Variants in PCDHA1 observed in about 807,000 individuals in gnomAD.
PCDHA1 encodes protocadherin alpha-1.
A neutral mutation model predicts 61.3 loss-of-function variants in PCDHA1; 42 were observed. The ratio of observed to expected loss-of-function variants is 0.69; its 90% confidence interval spans 0.54 to 0.89. The LOEUF (loss-of-function observed/expected upper bound fraction) is 0.89, where lower values mean the gene tolerates loss of function less well. PCDHA1 is among the 40% of genes least tolerant of loss of function. PCDHA1 has a pLI of 0.00. For synonymous variants in PCDHA1, 610 were observed against 553.8 expected, an observed-to-expected ratio of 1.10 and a Z score of -1.43; for missense variants, 1,256 against 1,235.3, an observed-to-expected ratio of 1.02 and a Z score of -0.25.
At chr5:140,858,446 T>G (rs782631209) in intron 1 of PCDHA1, 6 of 1,533,560 alleles carry the variant, frequency 3.9e-6, no homozygotes, top group Non-Finnish European at 5.3e-6. Flanking sequence ...GGTGGGTTAT[T>G]ACGTTTTCAT....
In PCDHA1 at chr5:140,870,604, C is replaced by A. The variant is rs376574285; in HGVS notation, c.2394+81920C>A. 10 of 1,613,134 alleles carry A rather than the reference C, an allele frequency of 6.2e-6. No homozygotes were observed. The African/African-American group carries it at 6.7e-5, about 11-fold the overall frequency. Reference sequence around the variant, plus strand: ...GCTGGTGGAGCGGCGGTTGGGCGACCGCGCGCTGTCGAGCTACGTGTCGGT... The same window carrying A: ...GCTGGTGGAGCGGCGGTTGGGCGACAGCGCGCTGTCGAGCTACGTGTCGGT... On this transcript the variant is annotated intron_variant, in intron 1 of 3. Coordinates refer to ENST00000504120, the MANE Select transcript of PCDHA1 (RefSeq NM_018900.4).
intron 1 of PCDHA1, among the ~76,000 whole-genome samples, chr5:140,898,839 A>C (rs2066999324): frequency 6.6e-6 from 1 of 152,280 alleles, no homozygotes; most frequent in East Asian, 1.9e-4. Flanking sequence ...ATGTTCTTCC[A>C]TTTCTTTGTA....
intron 1 of PCDHA1, chr5:140,969,147 A>C (rs781909774): frequency 1.2e-6 from 2 of 1,614,172 alleles, no homozygotes; most frequent in South Asian, 2.2e-5. Flanking sequence ...TACTGCTACA[A>C]GGCCTGTCTG....
chr5:140,954,441 G>A (rs1411694581), intron 1 of PCDHA1, among the ~76,000 whole-genome samples: 2 of 151,498 alleles, frequency 1.3e-5, no homozygotes, highest in Non-Finnish European at 3.0e-5. Flanking sequence ...TGTTGTTTCT[G>A]GACTTGTTAA....
chr5:140,961,247 C>T (rs527974851), intron 1 of PCDHA1, among the ~76,000 whole-genome samples: 6 of 152,070 alleles, frequency 3.9e-5, no homozygotes, highest in East Asian at 1.9e-4. Flanking sequence ...GGAATTTATC[C>T]GAAGCTCCAG....
chr5:140,967,873 C>T lies in PCDHA1; in HGVS notation c.2395-11076C>T, dbSNP rs1554230047. On this transcript the variant is annotated intron_variant, in intron 1 of 3. Transcript: ENST00000504120. ...ATGCCCCAGAGGTGGTGCTCACGGA[C>T]CTGTATAGCCCAGTGCCTGAGAATG... 1.9e-6 allele frequency: 3 copies of T among 1,614,152 alleles called. No homozygotes were observed. In the Admixed American group the frequency reaches 5.0e-5, roughly 27 times the overall value.
intron 1 of PCDHA1, among the ~76,000 whole-genome samples, chr5:140,942,021 A>C (rs2093219800): frequency 6.6e-6 from 1 of 152,198 alleles, no homozygotes; most frequent in South Asian, 2.1e-4. Context: ...TTTTGGGAAA[A>C]AATAATTCAT....
At chr5:140,802,181 C>T (rs1762862859) in intron 1 of PCDHA1, 1 of 1,614,188 alleles carries the variant, frequency 6.2e-7, no homozygotes. Flanking sequence ...AAGGAAATCC[C>T]CCAATGTCAG....
chr5:140,914,982 T>C (rs1411265179), intron 1 of PCDHA1, among the ~76,000 whole-genome samples: 1 of 149,996 alleles, frequency 6.7e-6, no homozygotes, highest in Non-Finnish European at 1.5e-5. Context: ...AGTCTTGCTC[T>C]GCTACCAGGC....
intron 1 of PCDHA1, chr5:140,814,732 A>C (rs1021205164): frequency 6.6e-6 from 1 of 152,210 alleles, no homozygotes; most frequent in Non-Finnish European, 1.5e-5. Flanking sequence ...TTTCAGCTCC[A>C]TTATAATCTT....
At chr5:140,828,617 G>T (rs2150157424) in intron 1 of PCDHA1, 3 of 1,614,158 alleles carry the variant, frequency 1.9e-6, no homozygotes, top group South Asian at 1.1e-5. Flanking sequence ...CAGTTCTAGC[G>T]AATACTTCGG....
chr5:140,807,977 C>T, intron 1 of PCDHA1: 2 of 1,613,728 alleles, frequency 1.2e-6, no homozygotes, highest in Middle Eastern at 1.6e-4. Flanking sequence ...GGTAATTAAA[C>T]TTAACGCCTC....
intron 1 of PCDHA1, among the ~76,000 whole-genome samples, chr5:140,941,595 A>G (rs1273931279): frequency 6.6e-6 from 1 of 152,016 alleles, no homozygotes; most frequent in Non-Finnish European, 1.5e-5. Context: ...GATTACAGCC[A>G]TGAGCCATGG....
chr5:140,835,640 C>T (rs2150240382), intron 1 of PCDHA1: 4 of 1,613,770 alleles, frequency 2.5e-6, no homozygotes, highest in Admixed American at 3.3e-5. Flanking sequence ...AGAGTGTGTC[C>T]GCCTATGAGC....
At chr5:140,884,679 A>C (rs782535862) in intron 1 of PCDHA1, 12 of 1,551,914 alleles carry the variant, frequency 7.7e-6, no homozygotes, top group Non-Finnish European at 8.7e-6. Context: ...TTATATTTTA[A>C]AAAATTGTCT....
At chr5:140,893,011 T>C (rs1194599055) in intron 1 of PCDHA1, among the ~76,000 whole-genome samples, 1 of 152,234 alleles carries the variant, frequency 6.6e-6, no homozygotes, top group Non-Finnish European at 1.5e-5. Flanking sequence ...TATTTTTCTG[T>C]GCCTGACTTA....
intron 1 of PCDHA1, chr5:140,862,416 C>A: frequency 2.8e-6 from 1 of 351,276 alleles, no homozygotes; most frequent in South Asian, 2.2e-5. Flanking sequence ...TCAAAAGGCG[C>A]TGCCCAGAAA....
At chr5:140,808,604 C>T (rs1764214382) in intron 1 of PCDHA1, 2 of 1,613,764 alleles carry the variant, frequency 1.2e-6, no homozygotes, top group African/African-American at 2.7e-5. Flanking sequence ...GCCGGGCTGC[C>T]ACATCTTCAC....
intron 1 of PCDHA1, chr5:140,853,038 C>T (rs2150527746): frequency 3.8e-6 from 1 of 265,006 alleles, no homozygotes; most frequent in African/African-American, 2.3e-5. Flanking sequence ...GCCACCATGC[C>T]CGCCTAATTT....
Sources: gnomAD v4.1 joint callset for allele counts (sites outside exome capture counted in the v4.1 genomes callset) on GRCh38, gnomAD v4.1.1 for gene constraint, MANE v1.5 for transcripts, NCBI Gene and HGNC (gene_info 2026-07-23, HGNC 2026-07-21) for gene names.